GPR155: variants seen among roughly 807,000 people sequenced by gnomAD.
GPR155 encodes G protein-coupled receptor 155.
GPR155 carries 65 observed loss-of-function variants against 93.1 expected under a neutral mutation model. That is an observed-to-expected ratio of 0.70 (90% CI 0.57 to 0.86). GPR155 has a LOEUF of 0.86. GPR155 is among the 40% of genes least tolerant of loss of function. The pLI, the probability that GPR155 is intolerant of heterozygous loss-of-function variation, is 0.00. For missense variants in GPR155, 838 were observed against 1,034.8 expected (o/e 0.81, Z 2.61); for synonymous variants, 319 against 360.1 (o/e 0.89, Z 1.29).
intron 11 of GPR155, among the ~76,000 whole-genome samples, chr2:174,448,534 T>TG (rs1043482223): frequency 2.0e-5 from 2 of 102,072 alleles, no homozygotes; most frequent in African/African-American, 7.8e-5. Context: ...TTTTTTGTTT[T>TG]TTTTTTTTTT....
intron 1 of GPR155, among the ~76,000 whole-genome samples, chr2:174,484,323 C>T (rs978382449): frequency 6.6e-6 from 1 of 152,146 alleles, no homozygotes; most frequent in Non-Finnish European, 1.5e-5. Context: ...TAAACAAAGG[C>T]GTTAAACATT....
intron 11 of GPR155, among the ~76,000 whole-genome samples, chr2:174,451,048 G>A (rs779361067): frequency 2.0e-5 from 3 of 152,100 alleles, no homozygotes; most frequent in Non-Finnish European, 2.9e-5. Flanking sequence ...GGCAGCTGAC[G>A]CCTGTAATCC....
At chr2:174,463,176 A>G (rs1687749911) in intron 7 of GPR155, among the ~76,000 whole-genome samples, 1 of 148,206 alleles carries the variant, frequency 6.7e-6, no homozygotes, top group Non-Finnish European at 1.5e-5. Flanking sequence ...TGCAACCAAC[A>G]TGCAGTCTCA....
intron 13 of GPR155, among the ~76,000 whole-genome samples, chr2:174,444,132 G>A (rs1687043321): frequency 6.6e-6 from 1 of 152,022 alleles, no homozygotes; most frequent in Non-Finnish European, 1.5e-5. Flanking sequence ...AATTTAAGGA[G>A]ATGGCCGGGT....
chr2:174,440,028 A>G lies in GPR155; in HGVS notation c.2182T>C (p.Phe728Leu). Residue 728 changes from phenylalanine to leucine, a missense_variant, in exon 15 of 16, where the codon TTC (phenylalanine) becomes CTC (leucine). Phe to Leu is a conservative substitution (Grantham distance 22). Coordinates refer to ENST00000392552, the MANE Select transcript of GPR155 (RefSeq NM_152529.7). ...GCTGTGTCTTTATTGTTCCATAGGA[A>G]TTCAAGTCTGAAAATCAAATTTATG... is the stretch of plus-strand genomic sequence containing the variant. Reference protein sequence around the residue: ...IILPFKRRLEFLWNNKDTAEN... With the variant: ...IILPFKRRLELLWNNKDTAEN... 6.2e-7 allele frequency: 1 copy of G among 1,605,968 alleles called. No homozygotes were observed. Among genetic ancestry groups the G allele is most frequent in the Non-Finnish European group, 8.5e-7 (1 of 1,177,216 alleles).
At chr2:174,471,432 G>A (rs1326879789) in intron 3 of GPR155, among the ~76,000 whole-genome samples, 28 of 112,284 alleles carry the variant, frequency 2.5e-4, no homozygotes, top group South Asian at 8.8e-4. Flanking sequence ...AAATCCTGTA[G>A]AAAAATAGGT....
At chr2:174,460,111 T>C in intron 9 of GPR155, 23 bp from the exon 10 acceptor site, 2 of 1,466,014 alleles carry the variant, frequency 1.4e-6, no homozygotes, top group Non-Finnish European at 1.9e-6. Context: ...AAAAAAGATA[T>C]CAGGCCACTT....
At chr2:174,472,532 C>A (rs1271972966) in intron 3 of GPR155, among the ~76,000 whole-genome samples, 1 of 152,132 alleles carries the variant, frequency 6.6e-6, no homozygotes, top group Non-Finnish European at 1.5e-5. Flanking sequence ...ATTTGGCCAA[C>A]CTCAGAACTA....
In GPR155 at chr2:174,478,963, C is replaced by T. The variant is rs550319444; in HGVS notation, c.460+2534G>A. Among the ~76,000 whole-genome samples, 11 of 151,912 alleles carry T rather than the reference C, an allele frequency of 7.2e-5. No homozygotes were observed. The South Asian group carries it at 1.2e-3, about 17-fold the overall frequency. On this transcript the variant is annotated intron_variant, in intron 2 of 15. Coordinates refer to ENST00000392552, the MANE Select transcript of GPR155 (RefSeq NM_152529.7). ...AATAGTTCTACATCACACCTTCCAA[C>T]GTCTAGATATATGAAAAAGCACTCG...
chr2:174,441,753 G>A (rs531880685), intron 14 of GPR155, among the ~76,000 whole-genome samples: 3 of 150,430 alleles, frequency 2.0e-5, no homozygotes, highest in East Asian at 3.9e-4. Context: ...GTGTGTGTGC[G>A]TGTGTGTGTG....
rs930976627 is a variant in GPR155, at chr2:174,433,635, T to C, written c.*2481A>G. ...TATTAGATCATGAGGGTGGAGCCTATTGAGTGGAATTAATGTCCTTATAAG... is the reference window on the plus strand; with the variant it reads ...TATTAGATCATGAGGGTGGAGCCTACTGAGTGGAATTAATGTCCTTATAAG... On this transcript the variant is annotated 3_prime_UTR_variant, in exon 16 of 16. Transcript: ENST00000392552. 2 of 151,668 alleles carry C rather than the reference T, an allele frequency of 1.3e-5. No homozygotes were observed. Among genetic ancestry groups the C allele is most frequent in the Non-Finnish European group, 2.9e-5 (2 of 67,862 alleles). The allele number at this position is 151,668 out of a possible 1,614,324, so 9.4% of individuals were successfully genotyped here. A position where few individuals can be genotyped will look rare whatever the true frequency, so the allele number is the denominator to read the frequency against.
chr2:174,438,528 A>G (rs1220264605), intron 15 of GPR155, among the ~76,000 whole-genome samples: 1 of 152,128 alleles, frequency 6.6e-6, no homozygotes, highest in Non-Finnish European at 1.5e-5. Context: ...TTTGTTTTTG[A>G]GACAGAGTCT....
chr2:174,432,794 C>T lies in GPR155; in HGVS notation c.*3322G>A, dbSNP rs1221673371. 3.1e-5 allele frequency: 4 copies of T among 127,204 alleles called. No individual in the cohort carries two copies. Among genetic ancestry groups the T allele is most frequent in the Admixed American group, 8.8e-5 (1 of 11,418 alleles). 7.9% of individuals were successfully genotyped at this position (127,204 alleles called of 1,614,324 possible). A position where few individuals can be genotyped will look rare whatever the true frequency, so the allele number is the denominator to read the frequency against. The stretch of plus-strand genomic sequence containing the variant: ...TTTTTTTTTTTTTGCGATGGAGTCT[C>T]ACTCTGTCGCCCAGGCTGGAGTGCA... On this transcript the variant is annotated 3_prime_UTR_variant, in exon 16 of 16. Transcript: ENST00000392552.
In GPR155 at chr2:174,435,735, A is replaced by T. The variant is rs1056883438; in HGVS notation, c.*381T>A. On this transcript the variant is annotated 3_prime_UTR_variant, in exon 16 of 16. Coordinates refer to ENST00000392552, the MANE Select transcript of GPR155 (RefSeq NM_152529.7). ...GTGATCCACCTGACTCGGCCTCCCA[A>T]AGTACTGGGATTACAGGCGTGAGCC... 3 of 159,970 alleles carry T rather than the reference A, an allele frequency of 1.9e-5. No homozygotes were observed. The highest frequency in any genetic ancestry group is 4.1e-5 in the Non-Finnish European group (3 of 72,866). The allele number at this position is 159,970 out of a possible 1,614,324, so 9.9% of individuals were successfully genotyped here.
rs573865189 is a variant in GPR155, at chr2:174,436,719, G to C, written c.2313-303C>G. Among the ~76,000 whole-genome samples the C allele has an allele frequency of 3.9e-5, 6 of 152,256 alleles. No individual in the cohort carries two copies. In the East Asian group the frequency reaches 7.7e-4, roughly 20 times the overall value. On this transcript the variant is annotated intron_variant, in intron 15 of 15. Coordinates refer to ENST00000392552, the MANE Select transcript of GPR155 (RefSeq NM_152529.7). ...AAAGAAATACTTTTTATAGTAGCCT[G>C]TTATCAGATCTGTCCTGTAATAGCT...
rs1433975417 is a variant in GPR155, at chr2:174,446,748, C to T, written c.1877-1G>A. ...TTACAGCGACTCACACAATGATTGT[C>T]TATAAAAGAGTAAGCACAACAATTT... On this transcript the variant is annotated splice_acceptor_variant, in intron 11 of 15. Coordinates refer to ENST00000392552, the MANE Select transcript of GPR155 (RefSeq NM_152529.7). LOFTEE classifies it high-confidence loss of function. The T allele has an allele frequency of 5.0e-6, 8 of 1,612,588 alleles. No homozygotes were observed. Among genetic ancestry groups the T allele is most frequent in the East Asian group, 2.2e-5 (1 of 44,890 alleles).
In GPR155 at chr2:174,465,813, G is replaced by T; in HGVS notation, c.1356C>A (p.Ser452Arg). 6.3e-7 allele frequency: 1 copy of T among 1,593,518 alleles called. No homozygotes were observed. The highest frequency in any genetic ancestry group is 8.6e-7 in the Non-Finnish European group (1 of 1,162,064). Residue 452 changes from serine to arginine, a missense_variant, in exon 7 of 16, where the codon AGC (serine) becomes AGA (arginine). Physicochemically the swap from Ser to Arg is moderately radical, Grantham distance 110. This residue lies in a region of GPR155 where 663 missense variants were observed against 790.1 expected (regional missense o/e 0.84). Transcript: ENST00000392552. Reference sequence around the variant, plus strand: ...TCCACAGGTAGGTGCTATAGAGGGAGCTGTACAATAGAACAAACACCAAAA... The same window carrying T: ...TCCACAGGTAGGTGCTATAGAGGGATCTGTACAATAGAACAAACACCAAAA... ...GQILVFVLLY[S>R]SLYSTYLWTG...
chr2:174,482,135 T>C, intron 1 of GPR155, 148 bp from the exon 2 acceptor site: 1 of 580,544 alleles, frequency 1.7e-6, no homozygotes, highest in Non-Finnish European at 3.1e-6. Flanking sequence ...AATGGCCAAA[T>C]AAATATACAT....
chr2:174,450,954 T>C (rs1189306982), intron 11 of GPR155, among the ~76,000 whole-genome samples: 1 of 152,196 alleles, frequency 6.6e-6, no homozygotes, highest in African/African-American at 2.4e-5. Context: ...ATAAAAATTA[T>C]TTGTATATAT....
Sources: gnomAD v4.1 joint callset for allele counts (sites outside exome capture counted in the v4.1 genomes callset) on GRCh38, gnomAD v4.1.1 for gene constraint, gnomAD v4.1.1 regional missense constraint, MANE v1.5 for transcripts, NCBI Gene and HGNC (gene_info 2026-07-23, HGNC 2026-07-21) for gene names.